Variants in AXIN2 observed in about 807,000 individuals in gnomAD.
AXIN2 encodes the protein axin 2, also known as axin-2.
Under a neutral mutation model 74.7 loss-of-function variants are expected in AXIN2, and 21 were observed. That is an observed-to-expected ratio of 0.28 (90% CI 0.20 to 0.40). AXIN2 has a LOEUF of 0.40. AXIN2 is among the 10% of genes least tolerant of loss of function. The probability of loss-of-function intolerance (pLI) is 1.00; values close to 1 mark genes in which losing one functional copy is unlikely to be tolerated. For missense variants in AXIN2, 1,144 were observed against 1,111.1 expected (o/e 1.03, Z -0.42); for synonymous variants, 532 against 454.9 (o/e 1.17, Z -2.16).
At chr17:65,536,245 C>A (rs1700974442) in intron 8 of AXIN2, 75 bp downstream of exon 8, 2 of 1,442,570 alleles carry the variant, frequency 1.4e-6, no homozygotes, top group Admixed American at 3.9e-5. Flanking sequence ...GAGAGGCCCT[C>A]CCCATTAGCC....
chr17:65,540,851 C>G (rs2044030550), intron 4 of AXIN2, among the ~76,000 whole-genome samples: 1 of 151,368 alleles, frequency 6.6e-6, no homozygotes, highest in Admixed American at 6.6e-5. Context: ...TCTTGAATAG[C>G]CTGCAGATCC....
chr17:65,553,592 C>T (rs2044223660), intron 2 of AXIN2, among the ~76,000 whole-genome samples: 1 of 152,118 alleles, frequency 6.6e-6, no homozygotes, highest in Non-Finnish European at 1.5e-5. Flanking sequence ...AAACTTGTCT[C>T]CCTTCACTTC....
chr17:65,533,906 T>C lies in AXIN2; in HGVS notation c.2405+6A>G, dbSNP rs1555576336. ...TGAGAGCAGAAAAAAGCCACAGGACTCTTACCTATAATTTCCCTTTTTGCT... is the reference window on the plus strand; with the variant it reads ...TGAGAGCAGAAAAAAGCCACAGGACCCTTACCTATAATTTCCCTTTTTGCT... On this transcript the variant is annotated splice_donor_region_variant and intron_variant, in intron 10 of 10. Coordinates refer to ENST00000307078, the MANE Select transcript of AXIN2 (RefSeq NM_004655.4). The C allele has an allele frequency of 6.4e-7, 1 of 1,554,840 alleles. No individual in the cohort carries two copies. Among genetic ancestry groups the C allele is most frequent in the Non-Finnish European group, 8.8e-7 (1 of 1,140,810 alleles).
intron 1 of AXIN2, chr17:65,559,427 C>T (rs1382867829): frequency 6.6e-6 from 1 of 152,134 alleles, no homozygotes; most frequent in African/African-American, 2.4e-5. Flanking sequence ...TTTGAGTGTT[C>T]GCTACGCGCC....
intron 10 of AXIN2, among the ~76,000 whole-genome samples, chr17:65,533,383 T>C (rs2043855948): frequency 6.6e-6 from 1 of 152,144 alleles, no homozygotes; most frequent in Non-Finnish European, 1.5e-5. Context: ...GCTGTTCAGG[T>C]GGAAAGGCAG....
chr17:65,546,182 G>A lies in AXIN2; in HGVS notation c.956+3338C>T, dbSNP rs1003439175. On this transcript the variant is annotated intron_variant, in intron 3 of 10. Coordinates refer to ENST00000307078, the MANE Select transcript of AXIN2 (RefSeq NM_004655.4). ...GGGCTCTTTTCATGCTTTATGGGGC[G>A]CTCCTATTCACTTGTTCAAGGAAAT... Among the ~76,000 whole-genome samples, 13 of 151,990 alleles carry A rather than the reference G, an allele frequency of 8.6e-5. No individual in the cohort carries two copies. In the East Asian group the frequency reaches 2.3e-3, roughly 27 times the overall value.
In AXIN2 at chr17:65,558,755, G is replaced by T; in HGVS notation, c.-116-19C>A. The T allele has an allele frequency of 2.3e-6, 2 of 875,428 alleles. No individual in the cohort carries two copies. Among genetic ancestry groups the T allele is most frequent in the Non-Finnish European group, 3.6e-6 (2 of 548,860 alleles). The allele number at this position is 875,428 out of a possible 1,614,324, so 54.2% of individuals were successfully genotyped here. On this transcript the variant is annotated intron_variant, in intron 1 of 10. Transcript: ENST00000307078. Reference sequence around the variant, plus strand: ...CTCCTCTCTGGAAAGAAAAGGAAGGGGGGAGGTGGGGAGAGAGAAAAGGGT... The same window carrying T: ...CTCCTCTCTGGAAAGAAAAGGAAGGTGGGAGGTGGGGAGAGAGAAAAGGGT...
intron 4 of AXIN2, among the ~76,000 whole-genome samples, chr17:65,540,257 G>C (rs968993020): frequency 2.6e-5 from 4 of 152,206 alleles, no homozygotes; most frequent in African/African-American, 4.8e-5. Flanking sequence ...TGTCCCAAGG[G>C]GGGGCAGAGG....
At chr17:65,548,209 C>A (rs1467113286) in intron 3 of AXIN2, among the ~76,000 whole-genome samples, 1 of 152,158 alleles carries the variant, frequency 6.6e-6, no homozygotes, top group Non-Finnish European at 1.5e-5. Flanking sequence ...TATTAAAATT[C>A]AAACTTTCAC....
chr17:65,547,861 G>A (rs1217926905), intron 3 of AXIN2, among the ~76,000 whole-genome samples: 4 of 152,126 alleles, frequency 2.6e-5, no homozygotes, highest in Non-Finnish European at 1.5e-5. Context: ...CTTTTCAAAG[G>A]GGAAAGGGTC....
intron 10 of AXIN2, among the ~76,000 whole-genome samples, chr17:65,530,624 G>T (rs1452460963): frequency 1.3e-5 from 2 of 152,190 alleles, no homozygotes; most frequent in Non-Finnish European, 2.9e-5. Flanking sequence ...CAGTCCAAAG[G>T]CCTCTCGGCC....
At chr17:65,553,858 G>T (rs920950006) in intron 2 of AXIN2, among the ~76,000 whole-genome samples, 2 of 143,786 alleles carry the variant, frequency 1.4e-5, no homozygotes, top group South Asian at 2.5e-4. Context: ...GGGGGGGGGG[G>T]GAGGAAACTC....
intron 3 of AXIN2, among the ~76,000 whole-genome samples, chr17:65,545,809 A>T (rs1298355728): frequency 6.6e-6 from 1 of 152,104 alleles, no homozygotes; most frequent in African/African-American, 2.4e-5. Context: ...GGGAGAAGGC[A>T]ATGATTTCTT....
chr17:65,542,679 T>C (rs2044061064), intron 3 of AXIN2, among the ~76,000 whole-genome samples: 1 of 152,244 alleles, frequency 6.6e-6, no homozygotes, highest in Admixed American at 6.5e-5. Context: ...CCATGATTTT[T>C]TCCAGAAAGA....
chr17:65,549,798 C>T, intron 2 of AXIN2, 138 bp from the exon 3 acceptor site: 1 of 1,171,324 alleles, frequency 8.5e-7, no homozygotes, highest in Non-Finnish European at 1.2e-6. Flanking sequence ...AGTTGCTCAC[C>T]TGGGCAGAAA....
chr17:65,560,977 G>A (rs1011329937), intron 1 of AXIN2: 1 of 148,830 alleles, frequency 6.7e-6, no homozygotes, highest in Non-Finnish European at 1.5e-5. Flanking sequence ...CGGCGGGGGA[G>A]GGGGTGCGGG....
rs137933764 is a variant in AXIN2, at chr17:65,537,600, G to T, written c.1436C>A (p.Ser479Tyr). The change falls in exon 6 of 11, where the codon TCC (serine) becomes TAC (tyrosine). Residue 479 changes from serine (S) to tyrosine (Y), a missense_variant. Ser to Tyr is a moderately radical substitution (Grantham distance 144). Coordinates refer to ENST00000307078, the MANE Select transcript of AXIN2 (RefSeq NM_004655.4). ...HHHHHHSQYHSLLPPGGKLPP... is the reference protein window; with the variant it reads ...HHHHHHSQYHYLLPPGGKLPP... ...CAGCTTGCCACCGGGCGGGAGCAGG[G>T]AGTGGTACTGCGAATGGTGGTGGTG... The T allele has an allele frequency of 9.4e-6, 15 of 1,603,352 alleles. No homozygotes were observed. In the African/African-American group the frequency reaches 2.0e-4, roughly 21 times the overall value.
At chr17:65,557,460 C>T (rs759938314) in intron 2 of AXIN2, among the ~76,000 whole-genome samples, 2 of 152,160 alleles carry the variant, frequency 1.3e-5, no homozygotes, top group Admixed American at 6.5e-5. Context: ...CTTCCAAAAC[C>T]GGCGCTTAGT....
At chr17:65,543,941 A>C (rs1183271596) in intron 3 of AXIN2, among the ~76,000 whole-genome samples, 1 of 152,106 alleles carries the variant, frequency 6.6e-6, no homozygotes, top group Non-Finnish European at 1.5e-5. Context: ...GCGGTATCCC[A>C]CAGATTGGGC....
Sources: gnomAD v4.1 joint callset for allele counts (sites outside exome capture counted in the v4.1 genomes callset) on GRCh38, gnomAD v4.1.1 for gene constraint, MANE v1.5 for transcripts, NCBI Gene and HGNC (gene_info 2026-07-23, HGNC 2026-07-21) for gene names.